CCDC163: variants seen among roughly 807,000 people sequenced by gnomAD.
CCDC163 encodes transmembrane protein CCDC163.
CCDC163 carries 13 observed loss-of-function variants against 8.2 expected under a neutral mutation model. The ratio of observed to expected loss-of-function variants is 1.59; its 90% confidence interval spans 1.04 to 2.54. The LOEUF (loss-of-function observed/expected upper bound fraction) is 2.54. Ranked by LOEUF, CCDC163 falls within the 30% of genes most tolerant of loss-of-function variation. The pLI, the probability that CCDC163 is intolerant of heterozygous loss-of-function variation, is 0.00. For missense variants in CCDC163, 117 were observed against 78.6 expected, an observed-to-expected ratio of 1.49 and a Z score of -1.85; for synonymous variants, 41 against 30.9, an observed-to-expected ratio of 1.33 and a Z score of -1.08.
intron 4 of CCDC163, chr1:45,495,591 C>A: frequency 1.5e-6 from 1 of 664,070 alleles, no homozygotes; most frequent in Non-Finnish European, 2.8e-6. Context: ...AATGATGTAT[C>A]AAGGGGGCCC....
At position 45,497,295 on chromosome 1, in the gene CCDC163, T is replaced by C. The variant is rs527240953; in HGVS notation, c.262+4A>G. ...ATATTCGCCCCCAACCACCTTTTACTTACTCAACTGGTACTGCAGCAACTT... is the reference window on the plus strand; with the variant it reads ...ATATTCGCCCCCAACCACCTTTTACCTACTCAACTGGTACTGCAGCAACTT... On this transcript the variant is annotated splice_donor_region_variant and intron_variant, in intron 3 of 4. Coordinates refer to ENST00000629482, the MANE Select transcript of CCDC163 (RefSeq NM_001102601.3). 5.1e-6 allele frequency: 4 copies of C among 778,306 alleles called. No individual in the cohort carries two copies. Among genetic ancestry groups the C allele is most frequent in the African/African-American group, 3.4e-5 (2 of 59,198 alleles). The allele number at this position is 778,306 out of a possible 1,614,324, so 48.2% of individuals were successfully genotyped here.
At chr1:45,498,671 C>T (rs1482331265) in intron 2 of CCDC163, 1 of 154,258 alleles carries the variant, frequency 6.5e-6, no homozygotes, top group African/African-American at 2.4e-5. Flanking sequence ...GGATCATCCT[C>T]TCTAAGAGTT....
At chr1:45,497,638 C>A (rs1425415231) in intron 2 of CCDC163, among the ~76,000 whole-genome samples, 21 of 111,748 alleles carry the variant, frequency 1.9e-4, no homozygotes, top group South Asian at 3.2e-4. Flanking sequence ...CAGCCTCTGC[C>A]CGGCCGCCAC....
chr1:45,499,709 G>A lies in CCDC163; in HGVS notation c.-100C>T, dbSNP rs1570815414. 5.9e-6 allele frequency: 4 copies of A among 676,814 alleles called. No individual in the cohort carries two copies. The East Asian group carries it at 1.1e-4, about 18-fold the overall frequency. The allele number at this position is 676,814 out of a possible 1,614,324, so 41.9% of individuals were successfully genotyped here. A position where few individuals can be genotyped will look rare whatever the true frequency, so the allele number is the denominator to read the frequency against. ...AGGTATCCCCAGGAAAGGCCACCAC[G>A]TTAGATGGAAAGAGGGAAGTGGGGA... On this transcript the variant is annotated 5_prime_UTR_variant, in exon 1 of 5. The change creates a new upstream start codon in the 5' untranslated region. Coordinates refer to ENST00000629482, the MANE Select transcript of CCDC163 (RefSeq NM_001102601.3).
At chr1:45,499,054 G>A (rs1250417569) in intron 2 of CCDC163, among the ~76,000 whole-genome samples, 1 of 152,202 alleles carries the variant, frequency 6.6e-6, no homozygotes, top group East Asian at 1.9e-4. Context: ...GAGAGAGGAT[G>A]GGCTCTAGGA....
intron 2 of CCDC163, among the ~76,000 whole-genome samples, chr1:45,498,799 G>A (rs899382812): frequency 1.3e-5 from 2 of 152,326 alleles, no homozygotes; most frequent in Non-Finnish European, 2.9e-5. Context: ...TAACTGGCCA[G>A]ATACCTTCCA....
chr1:45,495,653 CTCTTTT>C, intron 4 of CCDC163: 1 of 572,778 alleles, frequency 1.7e-6, no homozygotes, highest in Non-Finnish European at 3.1e-6. Flanking sequence ...GGTCTCCTCC[CTCTTTT>C]TTTTTTTTTT....
At chr1:45,495,653 C>CT in intron 4 of CCDC163, 3 of 572,742 alleles carry the variant, frequency 5.2e-6, no homozygotes, top group Non-Finnish European at 9.2e-6. Context: ...GGTCTCCTCC[C>CT]TCTTTTTTTT....
intron 2 of CCDC163, 47 bp downstream of exon 2, chr1:45,499,298 G>A: frequency 1.4e-6 from 1 of 737,206 alleles, no homozygotes; most frequent in Non-Finnish European, 2.5e-6. Flanking sequence ...ACTGGAGGAA[G>A]GCACAGAAAG....
chr1:45,498,839 C>T (rs554133145), intron 2 of CCDC163, among the ~76,000 whole-genome samples: 3 of 152,330 alleles, frequency 2.0e-5, no homozygotes, highest in African/African-American at 4.8e-5. Context: ...CTGCTGCTCT[C>T]GCTCTTCTAG....
chr1:45,497,695 CGGGAGGGAGGTGGAGGGGGT>C (rs1557600371), intron 2 of CCDC163, among the ~76,000 whole-genome samples: 2 of 41,320 alleles, frequency 4.8e-5, no homozygotes, highest in Admixed American at 2.9e-4. Flanking sequence ...CCACCCCGTC[CGGGAGGGAGGTGGAGGGGGT>C]CAGCCCCCCG....
chr1:45,495,947 C>T (rs1273666016), intron 4 of CCDC163, among the ~76,000 whole-genome samples: 10 of 152,042 alleles, frequency 6.6e-5, no homozygotes, highest in Non-Finnish European at 1.2e-4. Flanking sequence ...CGTGAGCCAC[C>T]GCGCCCTGCC....
intron 4 of CCDC163, 60 bp from the exon 5 acceptor site, chr1:45,495,226 G>T: frequency 1.3e-6 from 1 of 779,338 alleles, no homozygotes. Flanking sequence ...GATATGCATA[G>T]AACTAGGCCC....
At position 45,495,161 on chromosome 1, in the gene CCDC163, G is replaced by C; in HGVS notation, c.336C>G (p.Pro112=). ...RQAQVGSWKI[P]RGAPFLTWSP... is the part of the protein sequence containing the mutation. ...TCCAGGTTAGAAAGGGTGCTCCTCT[G>C]GGGATCTAAGAGGAAAGAAAAGGGA... is the stretch of plus-strand genomic sequence containing the variant. The change falls in exon 5 of 5, where the codon CCC becomes CCG. Residue 112 remains proline, a synonymous_variant. Transcript: ENST00000629482. 1 of 780,796 alleles carries C rather than the reference G, an allele frequency of 1.3e-6. No individual in the cohort carries two copies. The highest frequency in any genetic ancestry group is 2.4e-6 in the Non-Finnish European group (1 of 417,966). The allele number at this position is 780,796 out of a possible 1,614,324, so 48.4% of individuals were successfully genotyped here.
At chr1:45,496,378 G>A (rs1006587705) in intron 4 of CCDC163, 178 bp downstream of exon 4, 10 of 692,982 alleles carry the variant, frequency 1.4e-5, no homozygotes, top group South Asian at 7.5e-5. Flanking sequence ...TCTCATGGCC[G>A]GGAGCAGAAA....
At chr1:45,495,246 C>G in intron 4 of CCDC163, 80 bp from the exon 5 acceptor site, 1 of 769,662 alleles carries the variant, frequency 1.3e-6, no homozygotes, top group Admixed American at 1.8e-5. Flanking sequence ...CTAGGCCTTT[C>G]TAATAGAGAG....
intron 4 of CCDC163, 170 bp downstream of exon 4, chr1:45,496,386 A>G (rs1247444639): frequency 1.4e-6 from 1 of 696,434 alleles, no homozygotes. Flanking sequence ...CCGGGAGCAG[A>G]AAGGTTAGAA....
At chr1:45,497,725 G>T (rs1254902049) in intron 2 of CCDC163, among the ~76,000 whole-genome samples, 6 of 26,078 alleles carry the variant, frequency 2.3e-4, no homozygotes, top group African/African-American at 5.2e-4. Context: ...TCAGCCCCCC[G>T]CCAGGCCAGC....
intron 4 of CCDC163, chr1:45,496,102 TCCC>T (rs955197270): frequency 7.1e-6 from 2 of 283,422 alleles, no homozygotes; most frequent in Non-Finnish European, 1.4e-5. Flanking sequence ...TGAACTTTGG[TCCC>T]CAGTGCCCGA....
Sources: gnomAD v4.1 joint callset for allele counts (sites outside exome capture counted in the v4.1 genomes callset) on GRCh38, gnomAD v4.1.1 for gene constraint, MANE v1.5 for transcripts, NCBI Gene and HGNC (gene_info 2026-07-23, HGNC 2026-07-21) for gene names.